Variants in ARL5B observed in about 807,000 individuals in gnomAD.
The protein encoded by ARL5B is ADP-ribosylation factor-like protein 5B.
In ARL5B, 10 loss-of-function variants were observed where a neutral mutation model predicts 26.9. The observed-to-expected ratio is 0.37, with a 90% CI of 0.23 to 0.63. The LOEUF (loss-of-function observed/expected upper bound fraction) is 0.63, where lower values mean the gene tolerates loss of function less well. ARL5B is among the 30% of genes least tolerant of loss of function. ARL5B has a pLI of 0.62. For missense variants in ARL5B, 167 were observed against 213.9 expected (o/e 0.78, Z 1.37); for synonymous variants, 87 against 70.4 (o/e 1.24, Z -1.18).
intron 1 of ARL5B, 124 bp downstream of exon 1, chr10:18,659,807 G>A (rs1344387124): frequency 1.5e-5 from 23 of 1,515,022 alleles, no homozygotes; most frequent in Non-Finnish European, 1.9e-5. Context: ...TTAGGCCAGG[G>A]GGCGGGCAGA....
intron 3 of ARL5B, 76 bp downstream of exon 3, chr10:18,668,753 G>C: frequency 2.8e-6 from 4 of 1,453,820 alleles, no homozygotes; most frequent in Non-Finnish European, 3.7e-6. Context: ...GCTGCACCTG[G>C]GCGTATTGAC....
intron 1 of ARL5B, among the ~76,000 whole-genome samples, chr10:18,661,439 C>T (rs956993382): frequency 2.0e-5 from 3 of 152,244 alleles, no homozygotes; most frequent in South Asian, 2.1e-4. Context: ...ATTGTTCAGG[C>T]CTCCTGAATC....
chr10:18,675,247 A>T lies in ARL5B; in HGVS notation c.*31A>T. Reference sequence around the variant, plus strand: ...TTGCTTGAAAGAGACTGCTCTATTTATTCTGTGACATGAACATTTTTTCCT... The same window carrying T: ...TTGCTTGAAAGAGACTGCTCTATTTTTTCTGTGACATGAACATTTTTTCCT... On this transcript the variant is annotated 3_prime_UTR_variant, in exon 6 of 6. Transcript: ENST00000377275. 1 of 1,600,690 alleles carries T rather than the reference A, an allele frequency of 6.2e-7. No homozygotes were observed. Among genetic ancestry groups the T allele is most frequent in the Non-Finnish European group, 8.6e-7 (1 of 1,168,224 alleles).
chr10:18,659,443 A>G lies in ARL5B; in HGVS notation c.-195A>G. 3 of 680,712 alleles carry G rather than the reference A, an allele frequency of 4.4e-6. No homozygotes were observed. The highest frequency in any genetic ancestry group is 6.9e-6 in the Non-Finnish European group (3 of 432,714). 42.2% of individuals were successfully genotyped at this position (680,712 alleles called of 1,614,324 possible). ...CGGCGTTGGGCTCAGTGGGCTCGAA[A>G]CAAAGGGCTGTCCGGTGGGGATTCG... On this transcript the variant is annotated 5_prime_UTR_variant, in exon 1 of 6. Coordinates refer to ENST00000377275, the MANE Select transcript of ARL5B (RefSeq NM_178815.5).
In ARL5B at chr10:18,675,354, G is replaced by A. The variant is rs1340312721; in HGVS notation, c.*138G>A. Reference sequence around the variant, plus strand: ...GAGAGCAACACTTGAATCAAGTGCAGCTGAACTGGAACATAAAAGATTTTT... The same window carrying A: ...GAGAGCAACACTTGAATCAAGTGCAACTGAACTGGAACATAAAAGATTTTT... On this transcript the variant is annotated 3_prime_UTR_variant, in exon 6 of 6. Transcript: ENST00000377275. 7.9e-6 allele frequency: 6 copies of A among 755,712 alleles called. No homozygotes were observed. The allele number at this position is 755,712 out of a possible 1,614,324, so 46.8% of individuals were successfully genotyped here. A position where few individuals can be genotyped will look rare whatever the true frequency, so the allele number is the denominator to read the frequency against.
At chr10:18,661,606 C>T (rs1219128454) in intron 1 of ARL5B, among the ~76,000 whole-genome samples, 1 of 152,110 alleles carries the variant, frequency 6.6e-6, no homozygotes. Context: ...AATAAAGATA[C>T]CTTACTTCTT....
intron 1 of ARL5B, among the ~76,000 whole-genome samples, chr10:18,663,676 G>C (rs1394522703): frequency 6.7e-6 from 1 of 149,398 alleles, no homozygotes; most frequent in Non-Finnish European, 1.5e-5. Flanking sequence ...AGCCTCCCAA[G>C]TAGCTGGGAC....
chr10:18,666,707 G>C lies in ARL5B; in HGVS notation c.107+72G>C, dbSNP rs1057460820. On this transcript the variant is annotated intron_variant, in intron 2 of 5. Transcript: ENST00000377275. ...AATGTGTTTACAATTAATAAGAGAT[G>C]CATTATAATAATGACGGAAAAACTT... 5 of 1,258,130 alleles carry C rather than the reference G, an allele frequency of 4.0e-6. No homozygotes were observed. In the East Asian group the frequency reaches 1.0e-4, roughly 26 times the overall value. 77.9% of individuals were successfully genotyped at this position (1,258,130 alleles called of 1,614,324 possible). A position where few individuals can be genotyped will look rare whatever the true frequency, so the allele number is the denominator to read the frequency against.
intron 1 of ARL5B, among the ~76,000 whole-genome samples, chr10:18,662,942 A>C (rs1327363774): frequency 1.3e-5 from 2 of 151,948 alleles, no homozygotes; most frequent in Non-Finnish European, 2.9e-5. Flanking sequence ...ACCTCAGGTA[A>C]TCCGCCCGCC....
At chr10:18,670,413 C>A (rs1450139177) in intron 3 of ARL5B, among the ~76,000 whole-genome samples, 1 of 152,120 alleles carries the variant, frequency 6.6e-6, no homozygotes, top group African/African-American at 2.4e-5. Context: ...GAGTTCAAGA[C>A]CAGCATGGCC....
At chr10:18,674,212 A>T in intron 5 of ARL5B, 77 bp downstream of exon 5, 3 of 1,384,592 alleles carry the variant, frequency 2.2e-6, no homozygotes, top group Non-Finnish European at 2.9e-6. Flanking sequence ...TGTTTTCTTC[A>T]TGGGTCCTGT....
intron 1 of ARL5B, among the ~76,000 whole-genome samples, chr10:18,662,515 C>G (rs1178184262): frequency 1.3e-5 from 2 of 152,158 alleles, no homozygotes; most frequent in Non-Finnish European, 2.9e-5. Flanking sequence ...TTCTGATTAT[C>G]TCTGCAAACA....
chr10:18,660,908 C>CTGCAGTGGG (rs1564862220), intron 1 of ARL5B, among the ~76,000 whole-genome samples: 3 of 151,982 alleles, frequency 2.0e-5, no homozygotes, highest in Admixed American at 2.0e-4. Context: ...AGTGCAGTGG[C>CTGCAGTGGG]GCAATCTCAG....
At chr10:18,660,730 G>GTA (rs1564862103) in intron 1 of ARL5B, among the ~76,000 whole-genome samples, 1 of 152,092 alleles carries the variant, frequency 6.6e-6, no homozygotes, top group Admixed American at 6.5e-5. Context: ...ACACACATGT[G>GTA]TATATATATG....
intron 1 of ARL5B, among the ~76,000 whole-genome samples, chr10:18,662,231 G>C (rs1274834214): frequency 1.3e-5 from 2 of 152,188 alleles, no homozygotes; most frequent in African/African-American, 4.8e-5. Flanking sequence ...AAGGTAAATC[G>C]AATGTGCAGC....
At chr10:18,659,854 GA>G in intron 1 of ARL5B, 171 bp downstream of exon 1, 2 of 985,364 alleles carry the variant, frequency 2.0e-6, no homozygotes, top group Non-Finnish European at 2.4e-6. Context: ...GTACAGGAGA[GA>G]CCTGACGTGT....
At chr10:18,668,442 G>A (rs1434164047) in intron 2 of ARL5B, 88 bp from the exon 3 acceptor site, 8 of 1,420,678 alleles carry the variant, frequency 5.6e-6, no homozygotes, top group Admixed American at 2.0e-5. Context: ...TGGTGCAGAA[G>A]GTTGATTGAT....
rs536430515 is a variant in ARL5B at position 18,679,423 on chromosome 10, A to G, written c.*4207A>G. The G allele has an allele frequency of 6.6e-6, 1 of 151,906 alleles. No homozygotes were observed. The highest frequency in any genetic ancestry group is 1.5e-5 in the Non-Finnish European group (1 of 67,814). The allele number at this position is 151,906 out of a possible 1,614,324, so 9.4% of individuals were successfully genotyped here. A position where few individuals can be genotyped will look rare whatever the true frequency, so the allele number is the denominator to read the frequency against. ...TAGCCAGGTTGTCAGTCTTTTACAA[A>G]TGTCTACATAAATGTCTACATAAAT... On this transcript the variant is annotated 3_prime_UTR_variant, in exon 6 of 6. Coordinates refer to ENST00000377275, the MANE Select transcript of ARL5B (RefSeq NM_178815.5).
chr10:18,670,518 T>G (rs1325996663), intron 3 of ARL5B, among the ~76,000 whole-genome samples: 2 of 151,778 alleles, frequency 1.3e-5, no homozygotes, highest in African/African-American at 4.8e-5. Flanking sequence ...GGCTGAGGCA[T>G]GAGAATCGCT....
Sources: allele counts gnomAD v4.1 joint callset (sites outside exome capture counted in the v4.1 genomes callset), GRCh38; gene constraint gnomAD v4.1.1; transcripts MANE v1.5; gene names NCBI Gene and HGNC (gene_info 2026-07-23, HGNC 2026-07-21).